Variants in OR9A4 observed in about 807,000 individuals in gnomAD.
OR9A4 encodes the protein olfactory receptor 9A4.
Under a neutral mutation model 17.1 loss-of-function variants are expected in OR9A4, and 16 were observed. The observed-to-expected ratio is 0.94, with a 90% CI of 0.64 to 1.43. OR9A4 has a LOEUF of 1.43. Among genes scored for constraint, OR9A4 ranks in the 40% most tolerant of loss-of-function variants. OR9A4 has a pLI of 0.00. For synonymous variants in OR9A4, 167 were observed against 143.3 expected (o/e 1.17, Z -1.18); for missense variants, 392 against 382.1 (o/e 1.03, Z -0.22).
At position 141,919,456 on chromosome 7, in the gene OR9A4, T is replaced by G; in HGVS notation, c.581T>G (p.Phe194Cys). 6.2e-7 allele frequency: 1 copy of G among 1,614,218 alleles called. No individual in the cohort carries two copies. Among genetic ancestry groups the G allele is most frequent in the African/African-American group, 1.3e-5 (1 of 75,060 alleles). The change falls in exon 2 of 2, where the codon TTC (phenylalanine) becomes TGC (cysteine). Residue 194 changes from phenylalanine to cysteine, a missense_variant. Phe to Cys is a radical substitution (Grantham distance 205). Coordinates refer to ENST00000641559, the MANE Select transcript of OR9A4 (RefSeq NM_001001656.3). ...AAACTATCCTGCAATAATACTCTTT[T>G]CACGGAGTTTATCCTCTTCTTAATG... Reference protein sequence around the residue: ...LLKLSCNNTLFTEFILFLMAV... With the variant: ...LLKLSCNNTLCTEFILFLMAV...
chr7:141,919,242 T>C lies in OR9A4; in HGVS notation c.367T>C (p.Tyr123His), dbSNP rs79737608. ...ACTTGGAGCAATGGCTGTGGACCGT[T>C]ATGTGGCTGTCTGTAACCCTCTGAG... ...ALLGAMAVDR[Y>H]VAVCNPLRYN... Residue 123 changes from tyrosine to histidine, a missense_variant, in exon 2 of 2, where the codon TAT becomes CAT. Transcript: ENST00000641559. The C allele has an allele frequency of 8.3e-4, 1,344 of 1,614,162 alleles. 14 individuals are homozygous for C. The African/African-American group carries it at 0.016, about 19-fold the overall frequency.
rs782005214 is a variant in OR9A4, at chr7:141,919,744, T to A, written c.869T>A (p.Phe290Tyr). ...ACTCCTTTCCTCAATCCTTTCATCTTCACCCTCCGGAATGATAAAGTCATA... is the reference window on the plus strand; with the variant it reads ...ACTCCTTTCCTCAATCCTTTCATCTACACCCTCCGGAATGATAAAGTCATA... Reference protein sequence around the residue: ...VVTPFLNPFIFTLRNDKVIEA... With the variant: ...VVTPFLNPFIYTLRNDKVIEA... Residue 290 changes from phenylalanine to tyrosine, a missense_variant, in exon 2 of 2, where the codon TTC becomes TAC. Physicochemically the swap from Phe to Tyr is conservative, Grantham distance 22. Transcript: ENST00000641559. The A allele has an allele frequency of 6.2e-7, 1 of 1,614,182 alleles. No homozygotes were observed.
At position 141,919,930 on chromosome 7, in the gene OR9A4, T is replaced by C; in HGVS notation, c.*110T>C. The C allele has an allele frequency of 3.6e-6, 3 of 842,400 alleles. No homozygotes were observed. Among genetic ancestry groups the C allele is most frequent in the Non-Finnish European group, 5.4e-6 (3 of 552,138 alleles). The allele number at this position is 842,400 out of a possible 1,614,324, so 52.2% of individuals were successfully genotyped here. ...CATCATAATTATTGCCATTATCAAA[T>C]GATTTGCATGCAACAAAATACTTTT... On this transcript the variant is annotated 3_prime_UTR_variant, in exon 2 of 2. Coordinates refer to ENST00000641559, the MANE Select transcript of OR9A4 (RefSeq NM_001001656.3).
At chr7:141,917,749 C>A (rs1802208000) in intron 1 of OR9A4, among the ~76,000 whole-genome samples, 1 of 152,186 alleles carries the variant, frequency 6.6e-6, no homozygotes, top group African/African-American at 2.4e-5. Context: ...TCTTTGTCAT[C>A]TCATAACAAG....
chr7:141,919,478 A>C lies in OR9A4; in HGVS notation c.603A>C (p.Leu201Phe). ...NTLFTEFILF[L>F]MAVFVLFGSL... The stretch of plus-strand genomic sequence containing the variant: ...TTTTCACGGAGTTTATCCTCTTCTT[A>C]ATGGCTGTTTTTGTTCTCTTTGGTT... The change falls in exon 2 of 2, where the codon TTA (leucine) becomes TTC (phenylalanine). Residue 201 changes from leucine to phenylalanine, a missense_variant. Coordinates refer to ENST00000641559, the MANE Select transcript of OR9A4 (RefSeq NM_001001656.3). 2.5e-6 allele frequency: 4 copies of C among 1,613,998 alleles called. No individual in the cohort carries two copies. The highest frequency in any genetic ancestry group is 3.4e-6 in the Non-Finnish European group (4 of 1,180,002).
At position 141,916,471 on chromosome 7, in the gene OR9A4, C is replaced by T. The variant is rs1554438771; in HGVS notation, c.-196C>T. On this transcript the variant is annotated 5_prime_UTR_variant, in exon 1 of 2. Coordinates refer to ENST00000641559, the MANE Select transcript of OR9A4 (RefSeq NM_001001656.3). ...TCTCCTCAGCACTCGTATTTCTGGA[C>T]TTTTGCATAAGCTTCTGTATGAGGA... The T allele has an allele frequency of 6.6e-6, 1 of 152,216 alleles. No individual in the cohort carries two copies. The highest frequency in any genetic ancestry group is 2.4e-5 in the African/African-American group (1 of 41,444). 9.4% of individuals were successfully genotyped at this position (152,216 alleles called of 1,614,324 possible).
In OR9A4 at chr7:141,919,688, T is replaced by G. The variant is rs1320170013; in HGVS notation, c.813T>G (p.Asn271Lys). The change falls in exon 2 of 2, where the codon AAT becomes AAG. Residue 271 changes from asparagine to lysine, a missense_variant. Asn to Lys is a moderately conservative substitution (Grantham distance 94). Transcript: ENST00000641559. ...AGCAAACGCAGGCAGCTGATTACAA[T>G]TGGGTAGTTTCCCTGATGGTTTCAG... is the stretch of plus-strand genomic sequence containing the variant. ...KPKQTQAADY[N>K]WVVSLMVSVV... 6.2e-7 allele frequency: 1 copy of G among 1,614,058 alleles called. No homozygotes were observed. The highest frequency in any genetic ancestry group is 1.3e-5 in the African/African-American group (1 of 74,930).
chr7:141,918,575 G>A (rs1353824092), intron 1 of OR9A4, among the ~76,000 whole-genome samples: 1 of 152,214 alleles, frequency 6.6e-6, no homozygotes, highest in Non-Finnish European at 1.5e-5. Flanking sequence ...GTTGGAGGCA[G>A]ATGTCCAGTG....
intron 1 of OR9A4, 51 bp from the exon 2 acceptor site, chr7:141,918,795 G>A (rs1802225586): frequency 9.5e-7 from 1 of 1,048,228 alleles, no homozygotes; most frequent in African/African-American, 1.6e-5. Context: ...AACCTGAAAT[G>A]TCCTTAATCT....
In OR9A4 at chr7:141,918,917, T is replaced by C; in HGVS notation, c.42T>C (p.Leu14=). Residue 14 remains leucine, a synonymous_variant, in exon 2 of 2, where the codon CTT becomes CTC. Transcript: ENST00000641559. ...CTAGTGCCACTGAATTTTATCTCCTTGGCTTCCCTGGCTCTGAAGAACTAC... is the reference window on the plus strand; with the variant it reads ...CTAGTGCCACTGAATTTTATCTCCTCGGCTTCCCTGGCTCTGAAGAACTAC... ...NYSSATEFYL[L]GFPGSEELHH... 1.9e-6 allele frequency: 3 copies of C among 1,613,498 alleles called. No homozygotes were observed. Among genetic ancestry groups the C allele is most frequent in the Non-Finnish European group, 2.5e-6 (3 of 1,179,620 alleles).
Position 141,920,456 on chromosome 7 carries a change from C to T in OR9A4, c.*636C>T, listed in dbSNP as rs1401250217. ...GATTGAGAGAGGTAAGGTGGTGATA[C>T]ATTCGGAAACTTGTTAAAGAACATT... On this transcript the variant is annotated 3_prime_UTR_variant, in exon 2 of 2. Coordinates refer to ENST00000641559, the MANE Select transcript of OR9A4 (RefSeq NM_001001656.3). 1 of 152,052 alleles carries T rather than the reference C, an allele frequency of 6.6e-6. No homozygotes were observed. The highest frequency in any genetic ancestry group is 1.5e-5 in the Non-Finnish European group (1 of 68,004). 9.4% of individuals were successfully genotyped at this position (152,052 alleles called of 1,614,324 possible). A position where few individuals can be genotyped will look rare whatever the true frequency, so the allele number is the denominator to read the frequency against.
At position 141,919,160 on chromosome 7, in the gene OR9A4, T is replaced by C. The variant is rs1432371550; in HGVS notation, c.285T>C (p.Ser95=). 3.1e-6 allele frequency: 5 copies of C among 1,614,092 alleles called. No homozygotes were observed. The highest frequency in any genetic ancestry group is 4.2e-6 in the Non-Finnish European group (5 of 1,180,046). Reference sequence around the variant, plus strand: ...CTGGGATGCAGACAATATATTTGTCTGCCTGTGTTGTCCAGCTCTTCTTGT... The same window carrying C: ...CTGGGATGCAGACAATATATTTGTCCGCCTGTGTTGTCCAGCTCTTCTTGT... The part of the protein sequence containing the change: ...LLPGMQTIYL[S]ACVVQLFLYL... Residue 95 remains serine, a synonymous_variant, in exon 2 of 2, where the codon TCT becomes TCC. Coordinates refer to ENST00000641559, the MANE Select transcript of OR9A4 (RefSeq NM_001001656.3).
Position 141,918,902 on chromosome 7 carries a change from TG to T in OR9A4, c.28del (p.Glu10AsnfsTer27). MLMNYSSATEFYLLGFPGSE... is the reference protein window; with the variant it reads MLMNYSSATXFYLLGFPGSE... The stretch of plus-strand genomic sequence containing the variant: ...TGTTGATGAATTACTCTAGTGCCAC[TG>T]AATTTTATCTCCTTGGCTTCCCTGG... On this transcript the variant is annotated frameshift_variant, in exon 2 of 2. Transcript: ENST00000641559. LOFTEE classifies it high-confidence loss of function. The T allele has an allele frequency of 6.2e-7, 1 of 1,611,846 alleles. No homozygotes were observed. The highest frequency in any genetic ancestry group is 2.2e-5 in the East Asian group (1 of 44,878).
In OR9A4 at chr7:141,918,901, C is replaced by A; in HGVS notation, c.26C>A (p.Thr9Asn). The change falls in exon 2 of 2, where the codon ACT (threonine) becomes AAT (asparagine). Residue 9 changes from threonine to asparagine, a missense_variant. Transcript: ENST00000641559. MLMNYSSA[T>N]EFYLLGFPGS... ...ATGTTGATGAATTACTCTAGTGCCACTGAATTTTATCTCCTTGGCTTCCCT... is the reference window on the plus strand; with the variant it reads ...ATGTTGATGAATTACTCTAGTGCCAATGAATTTTATCTCCTTGGCTTCCCT... The A allele has an allele frequency of 6.2e-7, 1 of 1,611,548 alleles. No homozygotes were observed. The highest frequency in any genetic ancestry group is 8.5e-7 in the Non-Finnish European group (1 of 1,178,526).
rs1584834704 is a variant in OR9A4 at position 141,920,009 on chromosome 7, T to C, written c.*189T>C. 2 of 515,370 alleles carry C rather than the reference T, an allele frequency of 3.9e-6. No individual in the cohort carries two copies. 31.9% of individuals were successfully genotyped at this position (515,370 alleles called of 1,614,324 possible). On this transcript the variant is annotated 3_prime_UTR_variant, in exon 2 of 2. Coordinates refer to ENST00000641559, the MANE Select transcript of OR9A4 (RefSeq NM_001001656.3). ...TAGTTGTTACTTGAAACTCAGTCTA[T>C]TATTTTTAAGACATGTCTTGCTATC...
rs1379052061 is a variant in OR9A4 at position 141,919,779 on chromosome 7, C to A, written c.904C>A (p.Arg302=). ...GAATGATAAAGTCATAGAGGCCCTT[C>A]GGGATGGGGTGAAACGCTGCTGTCA... ...LRNDKVIEAL[R]DGVKRCCQLF... The change falls in exon 2 of 2, where the codon CGG becomes AGG. Residue 302 remains arginine (R), a synonymous_variant. Coordinates refer to ENST00000641559, the MANE Select transcript of OR9A4 (RefSeq NM_001001656.3). The A allele has an allele frequency of 1.2e-6, 2 of 1,613,824 alleles. No individual in the cohort carries two copies. The highest frequency in any genetic ancestry group is 1.7e-6 in the Non-Finnish European group (2 of 1,179,870).
Position 141,919,449 on chromosome 7 carries a change from A to T in OR9A4, c.574A>T (p.Thr192Ser). The stretch of plus-strand genomic sequence containing the variant: ...ATTGCTCAAACTATCCTGCAATAAT[A>T]CTCTTTTCACGGAGTTTATCCTCTT... Reference protein sequence around the residue: ...GQLLKLSCNNTLFTEFILFLM... With the variant: ...GQLLKLSCNNSLFTEFILFLM... The change falls in exon 2 of 2, where the codon ACT (threonine) becomes TCT (serine). Residue 192 changes from threonine to serine, a missense_variant. Transcript: ENST00000641559. 6.2e-7 allele frequency: 1 copy of T among 1,613,810 alleles called. No homozygotes were observed. The highest frequency in any genetic ancestry group is 8.5e-7 in the Non-Finnish European group (1 of 1,179,982).
At position 141,918,859 on chromosome 7, in the gene OR9A4, C is replaced by A. The variant is rs782026827; in HGVS notation, c.-17C>A. On this transcript the variant is annotated 5_prime_UTR_variant, in exon 2 of 2. Coordinates refer to ENST00000641559, the MANE Select transcript of OR9A4 (RefSeq NM_001001656.3). ...TTTGCTCTCTAGATTTCACAAGGAA[C>A]AAGGGCTTAGAACTAAATGTTGATG... The A allele has an allele frequency of 3.7e-5, 57 of 1,554,648 alleles. No individual in the cohort carries two copies. Among genetic ancestry groups the A allele is most frequent in the Non-Finnish European group, 4.9e-5 (56 of 1,139,226 alleles).
intron 1 of OR9A4, among the ~76,000 whole-genome samples, chr7:141,917,808 A>G (rs1383899705): frequency 2.0e-5 from 3 of 152,046 alleles, no homozygotes; most frequent in African/African-American, 7.2e-5. Flanking sequence ...AGCTGATCAG[A>G]CTCTGTCTGC....
Sources: gnomAD v4.1 joint callset for allele counts (sites outside exome capture counted in the v4.1 genomes callset) on GRCh38, gnomAD v4.1.1 for gene constraint, MANE v1.5 for transcripts, NCBI Gene and HGNC (gene_info 2026-07-23, HGNC 2026-07-21) for gene names.